The following FRMD5 variants were observed in gnomAD, a reference collection of about 807,000 sequenced individuals.
FRMD5 encodes FERM domain containing 5.
Under a neutral mutation model 69.0 loss-of-function variants are expected in FRMD5, and 20 were observed. That is an observed-to-expected ratio of 0.29 (90% confidence interval 0.20 to 0.42). FRMD5 has a LOEUF of 0.42. Ranked by LOEUF, FRMD5 falls within the 10% of genes least tolerant of loss-of-function variation. FRMD5 has a pLI of 1.00. For missense variants in FRMD5, 595 were observed against 708.6 expected, an observed-to-expected ratio of 0.84 and a Z score of 1.82; for synonymous variants, 271 against 260.1, an observed-to-expected ratio of 1.04 and a Z score of -0.40.
At chr15:44,129,355 T>C (rs1178013406) in intron 1 of FRMD5, among the ~76,000 whole-genome samples, 5 of 152,174 alleles carry the variant, frequency 3.3e-5, no homozygotes, top group African/African-American at 4.8e-5. Flanking sequence ...GATTCTAGAA[T>C]TGCAAGAAGC....
intron 1 of FRMD5, among the ~76,000 whole-genome samples, chr15:44,180,011 A>C (rs1025607257): frequency 6.7e-6 from 1 of 148,534 alleles, no homozygotes; most frequent in South Asian, 2.2e-4. Context: ...GTGAACAGAC[A>C]CTGCATTCCA....
At chr15:43,919,174 G>C in intron 4 of FRMD5, 1 of 527,040 alleles carries the variant, frequency 1.9e-6, no homozygotes, top group Non-Finnish European at 3.7e-6. Context: ...ATAGGTAAAA[G>C]AAAAGACGCT....
At chr15:44,189,039 G>A (rs765883031) in intron 1 of FRMD5, among the ~76,000 whole-genome samples, 1 of 152,106 alleles carries the variant, frequency 6.6e-6, no homozygotes. Flanking sequence ...CCAAGCATGT[G>A]GCCCAATTAT....
At chr15:43,999,925 A>ATG (rs1245964137) in intron 1 of FRMD5, among the ~76,000 whole-genome samples, 5 of 58,478 alleles carry the variant, frequency 8.6e-5, no homozygotes, top group South Asian at 6.6e-4. Flanking sequence ...GTGTGTATGT[A>ATG]TATATATATA....
intron 1 of FRMD5, among the ~76,000 whole-genome samples, chr15:44,051,711 TG>T (rs1323409354): frequency 6.6e-6 from 1 of 152,154 alleles, no homozygotes; most frequent in African/African-American, 2.4e-5. Context: ...TGTTTTTTTA[TG>T]ATCTTGACAG....
At chr15:44,068,043 A>G (rs1022506616) in intron 1 of FRMD5, among the ~76,000 whole-genome samples, 2 of 152,202 alleles carry the variant, frequency 1.3e-5, no homozygotes, top group Admixed American at 6.5e-5. Context: ...TTCCTTACCT[A>G]CCAGGATGGT....
intron 1 of FRMD5, among the ~76,000 whole-genome samples, chr15:44,007,458 T>G (rs1360411452): frequency 6.6e-6 from 1 of 152,148 alleles, no homozygotes; most frequent in Non-Finnish European, 1.5e-5. Flanking sequence ...TGTACACATT[T>G]GACAAACTTG....
At chr15:43,981,290 C>T (rs1318299096) in intron 1 of FRMD5, among the ~76,000 whole-genome samples, 2 of 152,034 alleles carry the variant, frequency 1.3e-5, no homozygotes, top group African/African-American at 4.8e-5. Context: ...GTGTGACATC[C>T]TGTATTCTTA....
intron 1 of FRMD5, among the ~76,000 whole-genome samples, chr15:43,960,289 A>G (rs2929277): frequency 0.17 from 25,045 of 145,662 alleles, 4,406 homozygotes; most frequent in African/African-American, 0.46. Context: ...TCACTCTGTC[A>G]CCCAGGCTGC....
chr15:44,064,937 C>G (rs1305680920), intron 1 of FRMD5, among the ~76,000 whole-genome samples: 1 of 152,166 alleles, frequency 6.6e-6, no homozygotes, highest in Non-Finnish European at 1.5e-5. Flanking sequence ...AAAACATAGA[C>G]AGGATGTCAC....
intron 1 of FRMD5, among the ~76,000 whole-genome samples, chr15:44,123,056 T>C (rs2076976913): frequency 6.6e-6 from 1 of 152,086 alleles, no homozygotes; most frequent in Admixed American, 6.6e-5. Flanking sequence ...ATCAAAATGA[T>C]ATGGCAGGCC....
intron 1 of FRMD5, among the ~76,000 whole-genome samples, chr15:44,192,957 C>G (rs547508724): frequency 1.3e-5 from 2 of 152,066 alleles, no homozygotes; most frequent in South Asian, 4.1e-4. Context: ...AAAATGAGAG[C>G]AGTAGGAAAA....
rs568248384 is a variant in FRMD5, at chr15:43,905,950, C to T, written c.429G>A (p.Ala143=). ...TCCCTGAGTCATAATCCCCAATCTC[C>T]GCTTTCAAAAGGAAGGTGGAAGAAA... is the stretch of plus-strand genomic sequence containing the variant. The part of the protein sequence containing the change: ...AALLAAYILQ[A]EIGDYDSGKH... Residue 143 remains alanine (A), a splice_region_variant and synonymous_variant, in exon 6 of 14, where the codon GCG becomes GCA. Transcript: ENST00000417257. 9 of 1,614,178 alleles carry T rather than the reference C, an allele frequency of 5.6e-6. No individual in the cohort carries two copies. The highest frequency in any genetic ancestry group is 2.2e-5 in the East Asian group (1 of 44,886).
At chr15:44,005,850 A>T (rs747117968) in intron 1 of FRMD5, among the ~76,000 whole-genome samples, 7 of 152,174 alleles carry the variant, frequency 4.6e-5, no homozygotes, top group Non-Finnish European at 7.4e-5. Context: ...TCAACATGAG[A>T]TCTGGGCAGG....
At chr15:44,184,888 T>G (rs2078072904) in intron 1 of FRMD5, among the ~76,000 whole-genome samples, 1 of 152,200 alleles carries the variant, frequency 6.6e-6, no homozygotes, top group African/African-American at 2.4e-5. Context: ...CTGAAAGATC[T>G]CATTTGCAGC....
intron 1 of FRMD5, among the ~76,000 whole-genome samples, chr15:43,945,194 C>A (rs1028608984): frequency 6.6e-6 from 1 of 152,128 alleles, no homozygotes; most frequent in Non-Finnish European, 1.5e-5. Context: ...AGGGTAGACC[C>A]TACACTACCC....
intron 13 of FRMD5, chr15:43,875,828 C>CATTT: frequency 4.2e-5 from 4 of 94,894 alleles, no homozygotes; most frequent in Non-Finnish European, 6.4e-5. Context: ...TTTTTTTTTT[C>CATTT]TTTCAGTCTT....
intron 1 of FRMD5, among the ~76,000 whole-genome samples, chr15:44,150,189 A>G (rs2077421106): frequency 6.6e-6 from 1 of 152,232 alleles, no homozygotes; most frequent in Admixed American, 6.5e-5. Context: ...AAAAATCCAC[A>G]GCAAATATCA....
chr15:44,168,674 G>A (rs569229434), intron 1 of FRMD5, among the ~76,000 whole-genome samples: 5 of 152,312 alleles, frequency 3.3e-5, no homozygotes, highest in South Asian at 4.1e-4. Flanking sequence ...GTATGTTAGC[G>A]TTAAAACTGT....
Sources: allele counts gnomAD v4.1 joint callset (sites outside exome capture counted in the v4.1 genomes callset), GRCh38; gene constraint gnomAD v4.1.1; transcripts MANE v1.5; gene names NCBI Gene and HGNC (gene_info 2026-07-23, HGNC 2026-07-21).